Variants in SH3PXD2A observed in about 807,000 individuals in gnomAD.
SH3PXD2A encodes SH3 and PX domain-containing protein 2A.
SH3PXD2A carries 32 observed loss-of-function variants against 115.2 expected under a neutral mutation model. That is an observed-to-expected ratio of 0.28 (90% CI 0.21 to 0.37). The LOEUF is 0.37. Ranked by LOEUF, SH3PXD2A falls within the 10% of genes least tolerant of loss-of-function variation. SH3PXD2A has a pLI of 1.00. For missense variants in SH3PXD2A, 1,328 were observed against 1,498.7 expected (o/e 0.89, Z 1.88); for synonymous variants, 610 against 629.1 (o/e 0.97, Z 0.45).
At chr10:103,677,583 C>T (rs959381425) in intron 6 of SH3PXD2A, among the ~76,000 whole-genome samples, 12 of 152,108 alleles carry the variant, frequency 7.9e-5, no homozygotes, top group Non-Finnish European at 1.2e-4. Flanking sequence ...TTTCTGTCTC[C>T]CTTATCATGC....
intron 8 of SH3PXD2A, among the ~76,000 whole-genome samples, chr10:103,632,328 C>G (rs1352468064): frequency 6.6e-6 from 1 of 152,232 alleles, no homozygotes; most frequent in Non-Finnish European, 1.5e-5. Flanking sequence ...CTGAGCCCTT[C>G]TGGGGAGCTG....
intron 4 of SH3PXD2A, among the ~76,000 whole-genome samples, chr10:103,727,267 C>A (rs2038252509): frequency 6.6e-6 from 1 of 152,170 alleles, no homozygotes; most frequent in Non-Finnish European, 1.5e-5. Flanking sequence ...GTGGAGCATG[C>A]CTCCAGAATA....
At chr10:103,840,135 G>A (rs904025343) in intron 1 of SH3PXD2A, among the ~76,000 whole-genome samples, 5 of 152,250 alleles carry the variant, frequency 3.3e-5, no homozygotes, top group Non-Finnish European at 7.3e-5. Context: ...AGAGAGGAAG[G>A]ACTGGTTAGG....
chr10:103,734,562 A>G (rs2038358701), intron 4 of SH3PXD2A, among the ~76,000 whole-genome samples: 1 of 152,198 alleles, frequency 6.6e-6, no homozygotes, highest in African/African-American at 2.4e-5. Flanking sequence ...CAGCCTGGCC[A>G]ACATGGCAAA....
chr10:103,827,360 C>G (rs2039440601), intron 1 of SH3PXD2A, among the ~76,000 whole-genome samples: 1 of 152,104 alleles, frequency 6.6e-6, no homozygotes. Flanking sequence ...CCTTCAAGGC[C>G]TTCACTCCCG....
chr10:103,660,431 G>A (rs935118173), intron 8 of SH3PXD2A, among the ~76,000 whole-genome samples: 11 of 152,216 alleles, frequency 7.2e-5, no homozygotes, highest in Admixed American at 1.3e-4. Flanking sequence ...CCCTCACTGC[G>A]CTTGCTTTCC....
At chr10:103,625,864 TA>T in intron 9 of SH3PXD2A, among the ~76,000 whole-genome samples, 1 of 152,212 alleles carries the variant, frequency 6.6e-6, no homozygotes, top group African/African-American at 2.4e-5. Flanking sequence ...CACTTCAGCC[TA>T]GGAGACAGAG....
chr10:103,601,552 A>T lies in SH3PXD2A; in HGVS notation c.*264T>A. 1 of 383,770 alleles carries T rather than the reference A, an allele frequency of 2.6e-6. No homozygotes were observed. The highest frequency in any genetic ancestry group is 4.7e-6 in the Non-Finnish European group (1 of 211,400). The allele number at this position is 383,770 out of a possible 1,614,324, so 23.8% of individuals were successfully genotyped here. A position where few individuals can be genotyped will look rare whatever the true frequency, so the allele number is the denominator to read the frequency against. ...GTCCCTATGGTGCACAGGATATCTC[A>T]GCTTTCTTGGCTCTGGGTCCCAGGC... On this transcript the variant is annotated 3_prime_UTR_variant, in exon 15 of 15. Transcript: ENST00000369774.
intron 3 of SH3PXD2A, among the ~76,000 whole-genome samples, chr10:103,744,154 CTTT>C (rs35901070): frequency 1.0e-4 from 14 of 136,212 alleles, no homozygotes; most frequent in Admixed American, 7.4e-5. Flanking sequence ...CCCTGCTTGT[CTTT>C]TTTTTTTTTT....
intron 2 of SH3PXD2A, among the ~76,000 whole-genome samples, chr10:103,794,312 A>T (rs1048653028): frequency 6.6e-6 from 1 of 152,218 alleles, no homozygotes; most frequent in African/African-American, 2.4e-5. Context: ...CAAGCGGTGC[A>T]GGGGAAAATA....
intron 8 of SH3PXD2A, among the ~76,000 whole-genome samples, chr10:103,637,428 A>G (rs1211983734): frequency 6.6e-6 from 1 of 152,160 alleles, no homozygotes; most frequent in Non-Finnish European, 1.5e-5. Context: ...TTCCATGCCC[A>G]GGCCTATGTA....
Position 103,795,734 on chromosome 10 carries a change from C to T in SH3PXD2A, c.153+5548G>A, listed in dbSNP as rs529806789. Among the ~76,000 whole-genome samples, 4 of 152,212 alleles carry T rather than the reference C, an allele frequency of 2.6e-5. No homozygotes were observed. The East Asian group carries it at 7.7e-4, about 29-fold the overall frequency. On this transcript the variant is annotated intron_variant, in intron 2 of 14. Coordinates refer to ENST00000369774, the MANE Select transcript of SH3PXD2A (RefSeq NM_001394015.1). ...TGTTTTTTAACTAAAATCTGTCTTC[C>T]CTCACTAAGCTGTGAGACCCATAAA...
At chr10:103,719,703 TTC>T (rs2038154891) in intron 5 of SH3PXD2A, among the ~76,000 whole-genome samples, 1 of 149,328 alleles carries the variant, frequency 6.7e-6, no homozygotes, top group African/African-American at 2.5e-5. Flanking sequence ...TAATTTCTTT[TTC>T]TTTTTTTTTT....
At chr10:103,669,533 A>G (rs1027020726) in intron 6 of SH3PXD2A, among the ~76,000 whole-genome samples, 2 of 152,238 alleles carry the variant, frequency 1.3e-5, no homozygotes, top group Non-Finnish European at 2.9e-5. Context: ...CACCATGTCA[A>G]AAGCATTGAT....
At chr10:103,714,017 A>G (rs912726506) in intron 5 of SH3PXD2A, among the ~76,000 whole-genome samples, 6 of 152,218 alleles carry the variant, frequency 3.9e-5, no homozygotes, top group Non-Finnish European at 8.8e-5. Flanking sequence ...GCAACAGAGG[A>G]AGGCTGGTCC....
At chr10:103,826,212 A>G (rs960764770) in intron 1 of SH3PXD2A, among the ~76,000 whole-genome samples, 1 of 152,196 alleles carries the variant, frequency 6.6e-6, no homozygotes, top group African/African-American at 2.4e-5. Context: ...TAGCTAATAA[A>G]GATGCCCATG....
At chr10:103,800,425 C>CGGG (rs1300201981) in intron 2 of SH3PXD2A, among the ~76,000 whole-genome samples, 1 of 152,190 alleles carries the variant, frequency 6.6e-6, no homozygotes, top group African/African-American at 2.4e-5. Context: ...TCTAGAGCTG[C>CGGG]TGACAGCCAT....
At chr10:103,612,764 T>G in intron 12 of SH3PXD2A, 89 bp downstream of exon 12, 1 of 843,198 alleles carries the variant, frequency 1.2e-6, no homozygotes, top group Non-Finnish European at 1.8e-6. Flanking sequence ...GCCATGGGGG[T>G]CCTGTGCACC....
At chr10:103,752,717 A>G (rs1057467399) in intron 3 of SH3PXD2A, among the ~76,000 whole-genome samples, 2 of 152,240 alleles carry the variant, frequency 1.3e-5, no homozygotes, top group Non-Finnish European at 2.9e-5. Context: ...ACATAACAGT[A>G]AAGTGGGACA....
Sources: gnomAD v4.1 joint callset for allele counts (sites outside exome capture counted in the v4.1 genomes callset) on GRCh38, gnomAD v4.1.1 for gene constraint, MANE v1.5 for transcripts, NCBI Gene and HGNC (gene_info 2026-07-23, HGNC 2026-07-21) for gene names.